Variants in LSAMP observed in about 807,000 individuals in gnomAD.
The protein encoded by LSAMP is limbic system associated membrane protein.
Under a neutral mutation model 38.6 loss-of-function variants are expected in LSAMP, and 7 were observed. The ratio of observed to expected loss-of-function variants is 0.18; its 90% CI spans 0.10 to 0.34. The LOEUF is 0.34. LSAMP is among the 10% of genes least tolerant of loss of function. The pLI is 1.00. For missense variants in LSAMP, 313 were observed against 420.0 expected (o/e 0.75, Z 2.23); for synonymous variants, 154 against 166.8 (o/e 0.92, Z 0.59).
chr3:116,290,464 G>A (rs1260624422), intron 1 of LSAMP, among the ~76,000 whole-genome samples: 1 of 152,024 alleles, frequency 6.6e-6, no homozygotes. Flanking sequence ...GGGCGCAGTG[G>A]CTCACGTCTG....
intron 2 of LSAMP, among the ~76,000 whole-genome samples, chr3:116,070,797 T>C (rs1707581022): frequency 6.6e-6 from 1 of 152,060 alleles, no homozygotes; most frequent in African/African-American, 2.4e-5. Context: ...TCCCAAAACT[T>C]TGGGAGGCCA....
At position 116,250,750 on chromosome 3, in the gene LSAMP, G is replaced by A. The variant is rs527812243; in HGVS notation, c.156-164194C>T. Among the ~76,000 whole-genome samples the A allele has an allele frequency of 2.5e-4, 38 of 151,808 alleles. No individual in the cohort carries two copies. The South Asian group carries it at 6.4e-3, about 26-fold the overall frequency. On this transcript the variant is annotated intron_variant, in intron 1 of 6. Coordinates refer to ENST00000490035, the MANE Select transcript of LSAMP (RefSeq NM_002338.5). ...CTAGGTATGGTGGCATGCACCTCTA[G>A]TCCCAGTGCCTCAAGAGGCTGAGGT...
chr3:116,128,876 G>A (rs1013045241), intron 1 of LSAMP, among the ~76,000 whole-genome samples: 8 of 152,140 alleles, frequency 5.3e-5, no homozygotes, highest in African/African-American at 1.9e-4. Flanking sequence ...AAAACAATGT[G>A]TCACTAATAT....
intron 3 of LSAMP, among the ~76,000 whole-genome samples, chr3:116,017,631 G>T (rs1025302246): frequency 6.6e-6 from 1 of 151,922 alleles, no homozygotes; most frequent in Non-Finnish European, 1.5e-5. Context: ...CATAAATTTG[G>T]CTGTAAGTTT....
intron 3 of LSAMP, among the ~76,000 whole-genome samples, chr3:115,899,467 A>G (rs1936817985): frequency 6.6e-6 from 1 of 152,188 alleles, no homozygotes; most frequent in African/African-American, 2.4e-5. Context: ...AATAAGAGAA[A>G]GGTACTTTAA....
intron 6 of LSAMP, among the ~76,000 whole-genome samples, chr3:115,827,517 A>G (rs1158710958): frequency 6.6e-6 from 1 of 152,182 alleles, no homozygotes; most frequent in African/African-American, 2.4e-5. Context: ...TGTGATTGAT[A>G]GTAAAGAGAC....
intron 1 of LSAMP, among the ~76,000 whole-genome samples, chr3:116,165,517 T>G (rs1330904506): frequency 6.6e-6 from 1 of 152,066 alleles, no homozygotes; most frequent in Non-Finnish European, 1.5e-5. Context: ...ATCAGAAGCT[T>G]AGCTATAGAT....
At chr3:116,322,155 T>C (rs1178433290) in intron 1 of LSAMP, among the ~76,000 whole-genome samples, 1 of 152,218 alleles carries the variant, frequency 6.6e-6, no homozygotes, top group African/African-American at 2.4e-5. Flanking sequence ...ATACTTCCCT[T>C]GTGTGTACAG....
At chr3:116,111,997 A>G (rs1315561468) in intron 1 of LSAMP, among the ~76,000 whole-genome samples, 2 of 152,244 alleles carry the variant, frequency 1.3e-5, no homozygotes, top group Admixed American at 1.3e-4. Flanking sequence ...TAGGTAGGAC[A>G]GCTCCTTCTC....
intron 3 of LSAMP, among the ~76,000 whole-genome samples, chr3:116,013,564 T>C (rs1283190058): frequency 6.6e-6 from 1 of 152,154 alleles, no homozygotes; most frequent in Non-Finnish European, 1.5e-5. Flanking sequence ...TGTGAGTGTA[T>C]GTGTGTATAA....
chr3:116,427,109 C>CTTTTT lies in LSAMP; in HGVS notation c.155+17763_155+17767dup, dbSNP rs758726064. Reference sequence around the variant, plus strand: ...ACCCTTAAGACTCAGCTCTTTCTTTCTTTTTTTTTTTTTTTTTTTTTTGAG... The same window carrying CTTTTT: ...ACCCTTAAGACTCAGCTCTTTCTTTCTTTTTTTTTTTTTTTTTTTTTTTTTTTGAG... On this transcript the variant is annotated intron_variant, in intron 1 of 6. Coordinates refer to ENST00000490035, the MANE Select transcript of LSAMP (RefSeq NM_002338.5). 9.4e-4 allele frequency among the ~76,000 whole-genome samples: 90 copies of CTTTTT among 95,386 alleles called. 1 individual carries two copies. The highest frequency in any genetic ancestry group is 1.3e-3 in the Non-Finnish European group (62 of 47,536). 62.6% of individuals were successfully genotyped at this position (95,386 alleles called of 152,430 possible).
chr3:115,919,504 C>T (rs1387468710), intron 3 of LSAMP, among the ~76,000 whole-genome samples: 2 of 152,084 alleles, frequency 1.3e-5, no homozygotes, highest in African/African-American at 4.8e-5. Context: ...CATAGGTAAA[C>T]GTGGTGTGTA....
chr3:115,914,903 C>T (rs2107511977), intron 3 of LSAMP, among the ~76,000 whole-genome samples: 1 of 152,220 alleles, frequency 6.6e-6, no homozygotes, highest in Non-Finnish European at 1.5e-5. Context: ...TTGGGAAGTA[C>T]ATTTTTATAC....
chr3:115,839,240 TC>T (rs1934904005), intron 6 of LSAMP, among the ~76,000 whole-genome samples: 1 of 106,832 alleles, frequency 9.4e-6, no homozygotes, highest in African/African-American at 4.1e-5. Flanking sequence ...CTTCCTTCTT[TC>T]CTTCCTTCCT....
intron 2 of LSAMP, among the ~76,000 whole-genome samples, chr3:116,027,924 T>C (rs879043222): frequency 6.6e-6 from 1 of 152,166 alleles, no homozygotes; most frequent in Admixed American, 6.5e-5. Flanking sequence ...ATTAGTCTCA[T>C]TAGTTATTGT....
At chr3:115,941,473 G>A (rs924578983) in intron 3 of LSAMP, among the ~76,000 whole-genome samples, 1 of 151,982 alleles carries the variant, frequency 6.6e-6, no homozygotes, top group Non-Finnish European at 1.5e-5. Context: ...TATCTGTACC[G>A]CCATGTTCAC....
intron 3 of LSAMP, among the ~76,000 whole-genome samples, chr3:115,898,516 G>T (rs1194513212): frequency 1.3e-5 from 2 of 151,614 alleles, no homozygotes; most frequent in Non-Finnish European, 2.9e-5. Flanking sequence ...TGAGAATTCA[G>T]CTGAAATCTG....
chr3:116,082,521 T>G (rs1707893290), intron 2 of LSAMP, among the ~76,000 whole-genome samples: 1 of 152,218 alleles, frequency 6.6e-6, no homozygotes, highest in Non-Finnish European at 1.5e-5. Context: ...TTGACTTTGC[T>G]TCAGCCTATA....
intron 2 of LSAMP, among the ~76,000 whole-genome samples, chr3:116,051,855 C>T (rs1161920711): frequency 1.3e-5 from 2 of 151,918 alleles, no homozygotes; most frequent in East Asian, 3.9e-4. Flanking sequence ...ATTTAATTTT[C>T]CTCTGCGGAT....
Sources: allele counts gnomAD v4.1 joint callset (sites outside exome capture counted in the v4.1 genomes callset), GRCh38; gene constraint gnomAD v4.1.1; transcripts MANE v1.5; gene names NCBI Gene and HGNC (gene_info 2026-07-23, HGNC 2026-07-21).